HOXC12: variants seen among roughly 807,000 people sequenced by gnomAD.
HOXC12 encodes the protein homeobox C12, also known as homeobox protein Hox-C12.
In HOXC12, 24 loss-of-function variants were observed where a neutral mutation model predicts 20.9. That is an observed-to-expected ratio of 1.15 (90% CI 0.83 to 1.61). The LOEUF is 1.61. HOXC12 is among the 40% of genes most tolerant of loss of function. HOXC12 has a pLI of 0.00. For synonymous variants in HOXC12, 202 were observed against 197.7 expected (o/e 1.02, Z -0.18); for missense variants, 436 against 406.9 (o/e 1.07, Z -0.62).
At chr12:53,955,646 G>A (rs1278239426) in intron 1 of HOXC12, 107 bp downstream of exon 1, 6 of 1,203,792 alleles carry the variant, frequency 5.0e-6, no homozygotes, top group Non-Finnish European at 6.3e-6. Flanking sequence ...TGTGTGGCGA[G>A]GAAGAGCTTC....
chr12:53,956,737 A>C lies in HOXC12; in HGVS notation c.*171A>C. 1 of 516,220 alleles carries C rather than the reference A, an allele frequency of 1.9e-6. No individual in the cohort carries two copies. The highest frequency in any genetic ancestry group is 3.4e-6 in the Non-Finnish European group (1 of 293,028). 32.0% of individuals were successfully genotyped at this position (516,220 alleles called of 1,614,324 possible). A position where few individuals can be genotyped will look rare whatever the true frequency, so the allele number is the denominator to read the frequency against. ...TGGTTCCCTCCCATACACACCCAAA[A>C]CACCCTGCCAGGTCCCAGAGAGAAG... On this transcript the variant is annotated 3_prime_UTR_variant, in exon 2 of 2. Transcript: ENST00000243103.
Position 53,955,137 on chromosome 12 carries a change from G to A in HOXC12, c.208G>A (p.Gly70Ser), listed in dbSNP as rs1355967364. 1.2e-6 allele frequency: 2 copies of A among 1,610,492 alleles called. No homozygotes were observed. The highest frequency in any genetic ancestry group is 2.2e-5 in the East Asian group (1 of 44,676). Residue 70 changes from glycine (G) to serine (S), a missense_variant, in exon 1 of 2, where the codon GGC becomes AGC. By Grantham distance (56) the Gly-to-Ser change is moderately conservative. Transcript: ENST00000243103. Reference protein sequence around the residue: ...PCNGYPQPYLGSPVSLNPPFG... With the variant: ...PCNGYPQPYLSSPVSLNPPFG... ...CAATGGCTACCCGCAGCCCTACCTC[G>A]GCAGCCCAGTGTCTCTCAACCCTCC...
rs34108612 is a variant in HOXC12, at chr12:53,955,358, G to A, written c.429G>A (p.Ala143=). 2.8e-6 allele frequency: 4 copies of A among 1,453,868 alleles called. No homozygotes were observed. The highest frequency in any genetic ancestry group is 2.6e-5 in the Admixed American group (1 of 38,082). 90.1% of individuals were successfully genotyped at this position (1,453,868 alleles called of 1,614,324 possible). The part of the protein sequence containing the change: ...PALGFKYDYA[A]GGGGGDGGGG... ...TCGGCTTCAAGTACGACTACGCGGC[G>A]GGCGGCGGCGGTGGCGACGGCGGCG... Residue 143 remains alanine, a synonymous_variant, in exon 1 of 2, where the codon GCG becomes GCA. Transcript: ENST00000243103.
Position 53,955,243 on chromosome 12 carries a change from G to T in HOXC12, c.314G>T (p.Gly105Val). Residue 105 changes from glycine (G) to valine (V), a missense_variant, in exon 1 of 2, where the codon GGG (glycine) becomes GTG (valine). By Grantham distance (109) the Gly-to-Val change is moderately radical. Transcript: ENST00000243103. ...GAGCCGTGCGCCGAGGGTGGCGGCGGGGGCCTGAAGCGTGAGGAGCGCGGG... is the reference window on the plus strand; with the variant it reads ...GAGCCGTGCGCCGAGGGTGGCGGCGTGGGCCTGAAGCGTGAGGAGCGCGGG... ...YREPCAEGGG[G>V]GLKREERGRD... is the part of the protein sequence containing the mutation. The T allele has an allele frequency of 6.4e-7, 1 of 1,574,374 alleles. No individual in the cohort carries two copies.
chr12:53,955,091 C>T lies in HOXC12; in HGVS notation c.162C>T (p.Ser54=), dbSNP rs768095203. ...YPRRDNVCSL[S]WPSAEPCNGY... is the part of the protein sequence containing the mutation. The stretch of plus-strand genomic sequence containing the variant: ...GCCGCGACAACGTGTGCTCCCTGTC[C>T]TGGCCGTCGGCGGAGCCGTGCAATG... Residue 54 remains serine (S), a synonymous_variant, in exon 1 of 2, where the codon TCC becomes TCT. Transcript: ENST00000243103. 5 of 1,612,826 alleles carry T rather than the reference C, an allele frequency of 3.1e-6. No homozygotes were observed. The South Asian group carries it at 5.5e-5, about 18-fold the overall frequency.
At position 53,955,380 on chromosome 12, in the gene HOXC12, G is replaced by A; in HGVS notation, c.451G>A (p.Gly151Ser). 6.8e-7 allele frequency: 1 copy of A among 1,465,262 alleles called. No homozygotes were observed. Among genetic ancestry groups the A allele is most frequent in the South Asian group, 1.3e-5 (1 of 75,874 alleles). The allele number at this position is 1,465,262 out of a possible 1,614,324, so 90.8% of individuals were successfully genotyped here. A position where few individuals can be genotyped will look rare whatever the true frequency, so the allele number is the denominator to read the frequency against. Reference sequence around the variant, plus strand: ...GGCGGGCGGCGGCGGTGGCGACGGCGGCGGCGGCGCAGGACCTCCGCACGA... The same window carrying A: ...GGCGGGCGGCGGCGGTGGCGACGGCAGCGGCGGCGCAGGACCTCCGCACGA... ...YAAGGGGGDG[G>S]GGAGPPHDPP... The change falls in exon 1 of 2, where the codon GGC becomes AGC. Residue 151 changes from glycine (G) to serine (S), a missense_variant. By Grantham distance (56) the Gly-to-Ser change is moderately conservative. Coordinates refer to ENST00000243103, the MANE Select transcript of HOXC12 (RefSeq NM_173860.3).
chr12:53,956,532 T>A lies in HOXC12; in HGVS notation c.815T>A (p.Leu272His). Reference protein sequence around the residue: ...FQNRRMKKKRLLLREQALSFF With the variant: ...FQNRRMKKKRHLLREQALSFF ...AACCGGAGAATGAAAAAGAAAAGAC[T>A]TCTGTTGAGGGAGCAAGCTCTCTCC... Residue 272 changes from leucine to histidine, a missense_variant, in exon 2 of 2, where the codon CTT becomes CAT. Transcript: ENST00000243103. 1 of 1,613,696 alleles carries A rather than the reference T, an allele frequency of 6.2e-7. No homozygotes were observed. Among genetic ancestry groups the A allele is most frequent in the Non-Finnish European group, 8.5e-7 (1 of 1,179,834 alleles).
At chr12:53,955,638 T>C (rs1258312980) in intron 1 of HOXC12, 99 bp downstream of exon 1, 2 of 1,229,594 alleles carry the variant, frequency 1.6e-6, no homozygotes, top group Non-Finnish European at 2.0e-6. Flanking sequence ...TGACAGAATG[T>C]GTGGCGAGGA....
Position 53,955,119 on chromosome 12 carries a change from T to C in HOXC12, c.190T>C (p.Tyr64His), listed in dbSNP as rs1938832465. 6 of 1,611,312 alleles carry C rather than the reference T, an allele frequency of 3.7e-6. No homozygotes were observed. Among genetic ancestry groups the C allele is most frequent in the Non-Finnish European group, 5.1e-6 (6 of 1,179,060 alleles). ...SWPSAEPCNG[Y>H]PQPYLGSPVS... ...GCCGTCGGCGGAGCCGTGCAATGGC[T>C]ACCCGCAGCCCTACCTCGGCAGCCC... The change falls in exon 1 of 2, where the codon TAC (tyrosine) becomes CAC (histidine). Residue 64 changes from tyrosine to histidine, a missense_variant. Physicochemically the swap from Tyr to His is moderately conservative, Grantham distance 83. Coordinates refer to ENST00000243103, the MANE Select transcript of HOXC12 (RefSeq NM_173860.3).
rs934624778 is a variant in HOXC12 at position 53,956,429 on chromosome 12, T to G, written c.712T>G (p.Phe238Val). 3.7e-6 allele frequency: 6 copies of G among 1,613,734 alleles called. No homozygotes were observed. Among genetic ancestry groups the G allele is most frequent in the Non-Finnish European group, 5.1e-6 (6 of 1,179,914 alleles). ...ELEGEFLVNEFITRQRRRELS... is the reference protein window; with the variant it reads ...ELEGEFLVNEVITRQRRRELS... ...GGAGGGCGAGTTTCTGGTCAACGAG[T>G]TCATCACACGCCAGCGCCGGAGGGA... The change falls in exon 2 of 2, where the codon TTC (phenylalanine) becomes GTC (valine). Residue 238 changes from phenylalanine (F) to valine (V), a missense_variant. Coordinates refer to ENST00000243103, the MANE Select transcript of HOXC12 (RefSeq NM_173860.3).
At position 53,955,491 on chromosome 12, in the gene HOXC12, G is replaced by T; in HGVS notation, c.562G>T (p.Gly188Cys). 1 of 1,490,912 alleles carries T rather than the reference G, an allele frequency of 6.7e-7. No homozygotes were observed. The highest frequency in any genetic ancestry group is 1.3e-5 in the South Asian group (1 of 79,068). 92.4% of individuals were successfully genotyped at this position (1,490,912 alleles called of 1,614,324 possible). The change falls in exon 1 of 2, where the codon GGC becomes TGC. Residue 188 changes from glycine to cysteine, a missense_variant. Physicochemically the swap from Gly to Cys is radical, Grantham distance 159. Coordinates refer to ENST00000243103, the MANE Select transcript of HOXC12 (RefSeq NM_173860.3). ...GNKGAGAGDP[G>C]SLVSPLNPGG... Reference sequence around the variant, plus strand: ...CAAGGGCGCCGGCGCAGGCGACCCCGGCAGCTTGGTATCGCCGTTGAACCC... The same window carrying T: ...CAAGGGCGCCGGCGCAGGCGACCCCTGCAGCTTGGTATCGCCGTTGAACCC...
rs924852138 is a variant in HOXC12 at position 53,957,954 on chromosome 12, T to C, written c.*1388T>C. 7.9e-5 allele frequency: 12 copies of C among 152,438 alleles called. No homozygotes were observed. The highest frequency in any genetic ancestry group is 5.8e-4 in the East Asian group (3 of 5,180). 9.4% of individuals were successfully genotyped at this position (152,438 alleles called of 1,614,324 possible). On this transcript the variant is annotated 3_prime_UTR_variant, in exon 2 of 2. Coordinates refer to ENST00000243103, the MANE Select transcript of HOXC12 (RefSeq NM_173860.3). The stretch of plus-strand genomic sequence containing the variant: ...CCTTCAGACCCCAGCCCCAGCCCAG[T>C]AGACGCTGGGCTGGCTTGGAAGAGA...
chr12:53,958,182 C>T lies in HOXC12; in HGVS notation c.*1616C>T, dbSNP rs1938900163. 1 of 152,258 alleles carries T rather than the reference C, an allele frequency of 6.6e-6. No individual in the cohort carries two copies. The highest frequency in any genetic ancestry group is 2.4e-5 in the African/African-American group (1 of 41,440). The allele number at this position is 152,258 out of a possible 1,614,324, so 9.4% of individuals were successfully genotyped here. The stretch of plus-strand genomic sequence containing the variant: ...TGTTTCCCATATGGGGAGAGTCTCC[C>T]CTAACAAACTCTCCAAAGGCAATCC... On this transcript the variant is annotated 3_prime_UTR_variant, in exon 2 of 2. Transcript: ENST00000243103.
Position 53,956,832 on chromosome 12 carries a change from G to A in HOXC12, c.*266G>A, listed in dbSNP as rs144868456. The A allele has an allele frequency of 3.3e-5, 12 of 365,336 alleles. No individual in the cohort carries two copies. Among genetic ancestry groups the A allele is most frequent in the African/African-American group, 2.5e-4 (12 of 47,822 alleles). 22.6% of individuals were successfully genotyped at this position (365,336 alleles called of 1,614,324 possible). The stretch of plus-strand genomic sequence containing the variant: ...GGTTGGCAGGGGCAGGAAGGCTGAG[G>A]TGCTGCGGGCTGGTTTATTTGAGGC... On this transcript the variant is annotated 3_prime_UTR_variant, in exon 2 of 2. Coordinates refer to ENST00000243103, the MANE Select transcript of HOXC12 (RefSeq NM_173860.3).
rs201275773 is a variant in HOXC12, at chr12:53,954,988, C to A, written c.59C>A (p.Thr20Lys). Reference protein sequence around the residue: ...GFVGPLVNIHTGDTFYFPNFR... With the variant: ...GFVGPLVNIHKGDTFYFPNFR... ...GTGGGGCCGCTGGTAAACATCCACA[C>A]GGGAGACACCTTCTACTTCCCCAAC... The change falls in exon 1 of 2, where the codon ACG becomes AAG. Residue 20 changes from threonine to lysine, a missense_variant. Physicochemically the swap from Thr to Lys is moderately conservative, Grantham distance 78. Transcript: ENST00000243103. 2 of 1,614,230 alleles carry A rather than the reference C, an allele frequency of 1.2e-6. No homozygotes were observed. Among genetic ancestry groups the A allele is most frequent in the East Asian group, 2.2e-5 (1 of 44,880 alleles).
intron 1 of HOXC12, among the ~76,000 whole-genome samples, chr12:53,956,102 G>A (rs1938861955): frequency 6.6e-6 from 1 of 152,070 alleles, no homozygotes; most frequent in Non-Finnish European, 1.5e-5. Flanking sequence ...GGAGGTAAGA[G>A]CAAAGAATGA....
rs975184513 is a variant in HOXC12 at position 53,955,243 on chromosome 12, G to A, written c.314G>A (p.Gly105Glu). 2 of 1,574,372 alleles carry A rather than the reference G, an allele frequency of 1.3e-6. No homozygotes were observed. Among genetic ancestry groups the A allele is most frequent in the Non-Finnish European group, 1.7e-6 (2 of 1,161,602 alleles). Residue 105 changes from glycine to glutamate, a missense_variant, in exon 1 of 2, where the codon GGG (glycine) becomes GAG (glutamate). Physicochemically the swap from Gly to Glu is moderately conservative, Grantham distance 98 (BLOSUM62 -2). Transcript: ENST00000243103. The part of the protein sequence containing the change: ...YREPCAEGGG[G>E]GLKREERGRD... ...GAGCCGTGCGCCGAGGGTGGCGGCGGGGGCCTGAAGCGTGAGGAGCGCGGG... is the reference window on the plus strand; with the variant it reads ...GAGCCGTGCGCCGAGGGTGGCGGCGAGGGCCTGAAGCGTGAGGAGCGCGGG...
chr12:53,958,707 C>T lies in HOXC12; in HGVS notation c.*2141C>T, dbSNP rs1227427345. On this transcript the variant is annotated 3_prime_UTR_variant, in exon 2 of 2. Transcript: ENST00000243103. ...AGGGGACAAAGATATGCAATATTCT[C>T]TTTCCATTTGCTTTAAACTTGACTT... 6.6e-6 allele frequency: 1 copy of T among 152,212 alleles called. No individual in the cohort carries two copies. The highest frequency in any genetic ancestry group is 1.5e-5 in the Non-Finnish European group (1 of 68,052). 9.4% of individuals were successfully genotyped at this position (152,212 alleles called of 1,614,324 possible).
At position 53,955,036 on chromosome 12, in the gene HOXC12, T is replaced by C; in HGVS notation, c.107T>C (p.Leu36Pro). The part of the protein sequence containing the change: ...FPNFRASGAQ[L>P]PGLPSLSYPR... Reference sequence around the variant, plus strand: ...AACTTCCGCGCGTCCGGGGCGCAGCTTCCCGGGCTGCCTTCGCTGTCCTAC... The same window carrying C: ...AACTTCCGCGCGTCCGGGGCGCAGCCTCCCGGGCTGCCTTCGCTGTCCTAC... Residue 36 changes from leucine to proline, a missense_variant, in exon 1 of 2, where the codon CTT (leucine) becomes CCT (proline). Physicochemically the swap from Leu to Pro is moderately conservative, Grantham distance 98. Coordinates refer to ENST00000243103, the MANE Select transcript of HOXC12 (RefSeq NM_173860.3). The C allele has an allele frequency of 6.2e-7, 1 of 1,614,072 alleles. No homozygotes were observed. Among genetic ancestry groups the C allele is most frequent in the Non-Finnish European group, 8.5e-7 (1 of 1,179,990 alleles).
Sources: gnomAD v4.1 joint callset for allele counts (sites outside exome capture counted in the v4.1 genomes callset) on GRCh38, gnomAD v4.1.1 for gene constraint, MANE v1.5 for transcripts, NCBI Gene and HGNC (gene_info 2026-07-23, HGNC 2026-07-21) for gene names.